SDK1: variants seen among roughly 807,000 people sequenced by gnomAD.
SDK1 encodes the protein protein sidekick-1.
A neutral mutation model predicts 245.5 loss-of-function variants in SDK1; 157 were observed. That is an observed-to-expected ratio of 0.64 (90% confidence interval 0.56 to 0.73). The LOEUF is 0.73. SDK1 is among the 30% of genes least tolerant of loss of function. The probability of loss-of-function intolerance (pLI) is 0.00; values close to 1 mark genes in which losing one functional copy is unlikely to be tolerated. For synonymous variants in SDK1, 1,647 were observed against 1,278.5 expected (o/e 1.29, Z -6.15); for missense variants, 3,583 against 3,002.3 (o/e 1.19, Z -4.52).
At chr7:3,321,742 C>A (rs1194458063) in intron 1 of SDK1, among the ~76,000 whole-genome samples, 1 of 88,496 alleles carries the variant, frequency 1.1e-5, no homozygotes, top group African/African-American at 4.8e-5. Context: ...CCATCCCCTC[C>A]CCCCTCCTTC....
chr7:4,017,222 C>A lies in SDK1; in HGVS notation c.2472C>A (p.Ser824Arg), dbSNP rs1262849530. 13 of 1,614,038 alleles carry A rather than the reference C, an allele frequency of 8.1e-6. No individual in the cohort carries two copies. Among genetic ancestry groups the A allele is most frequent in the Non-Finnish European group, 1.0e-5 (12 of 1,179,960 alleles). ...AGTACCAGCAGCGGAACATCACCAG[C>A]CCGGAGGTGAACTACTGCCTGGTGA... ...PGEYQQRNIT[S>R]PEVNYCLVTD... The change falls in exon 17 of 45, where the codon AGC (serine) becomes AGA (arginine). Residue 824 changes from serine (S) to arginine (R), a missense_variant. Ser to Arg is a moderately radical substitution (Grantham distance 110). Coordinates refer to ENST00000404826, the MANE Select transcript of SDK1 (RefSeq NM_152744.4).
intron 4 of SDK1, among the ~76,000 whole-genome samples, chr7:3,667,405 C>T (rs953288804): frequency 2.0e-5 from 3 of 152,210 alleles, no homozygotes; most frequent in African/African-American, 4.8e-5. Context: ...TCCCAACCTC[C>T]TCCTACCCTG....
At chr7:3,842,452 T>A (rs1353818476) in intron 5 of SDK1, among the ~76,000 whole-genome samples, 1 of 152,030 alleles carries the variant, frequency 6.6e-6, no homozygotes, top group Non-Finnish European at 1.5e-5. Context: ...CTGGCGTGGG[T>A]ACTGGGTCAC....
chr7:3,359,561 G>A (rs1482105214), intron 1 of SDK1, among the ~76,000 whole-genome samples: 5 of 151,984 alleles, frequency 3.3e-5, no homozygotes, highest in African/African-American at 7.3e-5. Flanking sequence ...ACCTGGCCAG[G>A]GATGCATTCA....
At chr7:3,523,589 C>T (rs919930168) in intron 1 of SDK1, among the ~76,000 whole-genome samples, 3 of 152,072 alleles carry the variant, frequency 2.0e-5, no homozygotes, top group African/African-American at 7.2e-5. Context: ...AGCCTTTATT[C>T]TCTGCGGTAC....
At chr7:3,411,164 T>C (rs1382841969) in intron 1 of SDK1, among the ~76,000 whole-genome samples, 1 of 152,152 alleles carries the variant, frequency 6.6e-6, no homozygotes, top group African/African-American at 2.4e-5. Flanking sequence ...AAGATCAGTG[T>C]AGGGCAAAGC....
At chr7:3,745,126 G>T (rs1433754939) in intron 4 of SDK1, among the ~76,000 whole-genome samples, 3 of 152,174 alleles carry the variant, frequency 2.0e-5, no homozygotes, top group Non-Finnish European at 4.4e-5. Flanking sequence ...GGAATGTTTT[G>T]AACCCCGTGC....
intron 1 of SDK1, among the ~76,000 whole-genome samples, chr7:3,614,357 A>G (rs1781700282): frequency 6.6e-6 from 1 of 152,196 alleles, no homozygotes; most frequent in Admixed American, 6.5e-5. Flanking sequence ...AGTATTCCTA[A>G]CGTCTGCTCA....
At chr7:3,806,126 C>G (rs1345688766) in intron 4 of SDK1, among the ~76,000 whole-genome samples, 5 of 152,236 alleles carry the variant, frequency 3.3e-5, no homozygotes, top group African/African-American at 1.2e-4. Flanking sequence ...CGTAAACTTT[C>G]TCCTCTGCCA....
At chr7:3,542,070 C>A (rs1328912949) in intron 1 of SDK1, among the ~76,000 whole-genome samples, 1 of 152,174 alleles carries the variant, frequency 6.6e-6, no homozygotes, top group African/African-American at 2.4e-5. Context: ...AAACTTGACA[C>A]AATTATATTT....
At chr7:4,120,698 C>G (rs1455127294) in intron 25 of SDK1, among the ~76,000 whole-genome samples, 4 of 151,934 alleles carry the variant, frequency 2.6e-5, no homozygotes, top group African/African-American at 9.7e-5. Flanking sequence ...CTCACTGCAA[C>G]CTCTGCCTCC....
At chr7:4,195,373 T>A (rs1783515876) in intron 35 of SDK1, among the ~76,000 whole-genome samples, 1 of 151,462 alleles carries the variant, frequency 6.6e-6, no homozygotes, top group Admixed American at 6.6e-5. Context: ...TCCAGAACAC[T>A]CTGCCCTGGC....
At chr7:3,755,582 AAC>A (rs1350034308) in intron 4 of SDK1, among the ~76,000 whole-genome samples, 1 of 152,150 alleles carries the variant, frequency 6.6e-6, no homozygotes. Flanking sequence ...CTTTATGAGG[AAC>A]AGAGTCTGAT....
At chr7:3,600,138 A>T (rs531375096) in intron 1 of SDK1, among the ~76,000 whole-genome samples, 1 of 152,282 alleles carries the variant, frequency 6.6e-6, no homozygotes, top group South Asian at 2.1e-4. Flanking sequence ...TACAGGTCAT[A>T]ATTTCTAAAG....
chr7:3,657,272 G>C (rs1318326208), intron 4 of SDK1, among the ~76,000 whole-genome samples: 1 of 152,156 alleles, frequency 6.6e-6, no homozygotes, highest in Non-Finnish European at 1.5e-5. Context: ...GGCAAAACAT[G>C]CTAAACAGAT....
chr7:3,390,803 G>A (rs556176605), intron 1 of SDK1, among the ~76,000 whole-genome samples: 3 of 152,248 alleles, frequency 2.0e-5, no homozygotes, highest in African/African-American at 7.2e-5. Flanking sequence ...ACTTGATCTT[G>A]GACTTCTGGC....
intron 1 of SDK1, among the ~76,000 whole-genome samples, chr7:3,422,455 A>G (rs1238262694): frequency 1.3e-5 from 2 of 152,190 alleles, no homozygotes; most frequent in Non-Finnish European, 2.9e-5. Flanking sequence ...GAAAAATACT[A>G]TAGAATATAA....
chr7:3,767,610 C>G lies in SDK1; in HGVS notation c.714-53840C>G, dbSNP rs377378700. The stretch of plus-strand genomic sequence containing the variant: ...TGTGCCAGCTCATTCCATTCTCCCA[C>G]TAATTTTCAGAGCTAGGTAATATCC... On this transcript the variant is annotated intron_variant, in intron 4 of 44. Transcript: ENST00000404826. Among the ~76,000 whole-genome samples, 144 of 152,282 alleles carry G rather than the reference C, an allele frequency of 9.5e-4. 1 individual carries two copies. The East Asian group carries it at 0.015, about 16-fold the overall frequency.
chr7:3,623,685 A>T (rs1454607437), intron 2 of SDK1, among the ~76,000 whole-genome samples: 15 of 152,194 alleles, frequency 9.9e-5, no homozygotes, highest in Non-Finnish European at 1.9e-4. Context: ...GAAAGCATTT[A>T]GTCTAAATTA....
Sources: gnomAD v4.1 joint callset for allele counts (sites outside exome capture counted in the v4.1 genomes callset) on GRCh38, gnomAD v4.1.1 for gene constraint, MANE v1.5 for transcripts, NCBI Gene and HGNC (gene_info 2026-07-23, HGNC 2026-07-21) for gene names.